The following IGF1R variants were observed in gnomAD, a reference collection of about 807,000 sequenced individuals.
The protein encoded by IGF1R is insulin-like growth factor 1 receptor.
A neutral mutation model predicts 144.6 loss-of-function variants in IGF1R; 44 were observed. The observed-to-expected ratio is 0.30, with a 90% confidence interval of 0.24 to 0.39. The LOEUF (loss-of-function observed/expected upper bound fraction) is 0.39. Among genes scored for constraint, IGF1R ranks in the 10% least tolerant of loss-of-function variants. The pLI, the probability that IGF1R is intolerant of heterozygous loss-of-function variation, is 1.00. For missense variants in IGF1R, 1,355 were observed against 1,833.7 expected (o/e 0.74, Z 4.77); for synonymous variants, 795 against 722.8 (o/e 1.10, Z -1.60).
At chr15:98,667,055 A>G (rs2052760441) in intron 1 of IGF1R, among the ~76,000 whole-genome samples, 1 of 152,152 alleles carries the variant, frequency 6.6e-6, no homozygotes, top group Admixed American at 6.5e-5. Flanking sequence ...CTGTGAGGTC[A>G]GGAGAGGCCT....
intron 2 of IGF1R, among the ~76,000 whole-genome samples, chr15:98,818,984 G>T (rs945951264): frequency 2.6e-5 from 4 of 152,158 alleles, no homozygotes; most frequent in African/African-American, 2.4e-5. Context: ...CAGAACAGGG[G>T]GTGGAGGCTT....
intron 2 of IGF1R, among the ~76,000 whole-genome samples, chr15:98,759,078 C>G (rs1425007790): frequency 6.6e-6 from 1 of 152,218 alleles, no homozygotes; most frequent in African/African-American, 2.4e-5. Flanking sequence ...TCCTCTGTCT[C>G]CATCACTCAG....
At chr15:98,823,618 C>T (rs972478742) in intron 2 of IGF1R, among the ~76,000 whole-genome samples, 1 of 152,130 alleles carries the variant, frequency 6.6e-6, no homozygotes, top group African/African-American at 2.4e-5. Flanking sequence ...GGTTTGATTC[C>T]AGTTGAAGTT....
At position 98,954,075 on chromosome 15, in the gene IGF1R, G is replaced by T. The variant is rs1432116604; in HGVS notation, c.3723-2986G>T. The T allele has an allele frequency of 2.6e-5, 4 of 152,400 alleles. No individual in the cohort carries two copies. In the East Asian group the frequency reaches 7.7e-4, roughly 29 times the overall value. The allele number at this position is 152,400 out of a possible 1,614,324, so 9.4% of individuals were successfully genotyped here. On this transcript the variant is annotated intron_variant, in intron 20 of 20. Transcript: ENST00000650285. Reference sequence around the variant, plus strand: ...AGCGTCGGCACCGGGCTGGGGCCGTGCTGATTCCCGGCAGCGTGTGGGAAT... The same window carrying T: ...AGCGTCGGCACCGGGCTGGGGCCGTTCTGATTCCCGGCAGCGTGTGGGAAT...
At chr15:98,713,488 G>A (rs562763080) in intron 2 of IGF1R, among the ~76,000 whole-genome samples, 20 of 152,274 alleles carry the variant, frequency 1.3e-4, no homozygotes, top group South Asian at 6.2e-4. Flanking sequence ...CCACTATGGC[G>A]GGTAGCTCTT....
chr15:98,767,827 A>AG (rs1316195553), intron 2 of IGF1R, among the ~76,000 whole-genome samples: 2 of 152,170 alleles, frequency 1.3e-5, no homozygotes, highest in Non-Finnish European at 1.5e-5. Flanking sequence ...AGGACAGGGA[A>AG]GAGGTGGGGA....
chr15:98,884,249 T>G (rs1324581201), intron 2 of IGF1R, among the ~76,000 whole-genome samples: 2 of 152,124 alleles, frequency 1.3e-5, no homozygotes, highest in African/African-American at 4.8e-5. Flanking sequence ...CCCTTCTCCA[T>G]CCATCTGCTG....
intron 17 of IGF1R, among the ~76,000 whole-genome samples, 187 bp from the exon 18 acceptor site, chr15:98,939,014 T>A (rs577668314): frequency 6.6e-6 from 1 of 152,286 alleles, no homozygotes; most frequent in African/African-American, 2.4e-5. Flanking sequence ...GCAAATAAGC[T>A]TGCGGGGAGC....
intron 2 of IGF1R, among the ~76,000 whole-genome samples, chr15:98,742,265 C>G (rs2054763007): frequency 6.6e-6 from 1 of 152,192 alleles, no homozygotes; most frequent in South Asian, 2.1e-4. Context: ...GTATGGACAG[C>G]ATGAAGCCAG....
chr15:98,923,741 G>A (rs966415803), intron 11 of IGF1R, 135 bp from the exon 12 acceptor site: 25 of 751,660 alleles, frequency 3.3e-5, no homozygotes, highest in South Asian at 2.1e-4. Context: ...GGATGGGGGC[G>A]TTATTCTCAG....
intron 15 of IGF1R, among the ~76,000 whole-genome samples, chr15:98,934,364 C>T (rs1282005138): frequency 6.6e-6 from 1 of 152,188 alleles, no homozygotes; most frequent in East Asian, 1.9e-4. Flanking sequence ...GAACTCTTCC[C>T]TCTCCCTACT....
At chr15:98,911,538 G>C in intron 7 of IGF1R, 97 bp downstream of exon 7, 1 of 1,510,296 alleles carries the variant, frequency 6.6e-7, no homozygotes. Context: ...GAATACAGGG[G>C]GTCAGCAGAG....
At position 98,755,718 on chromosome 15, in the gene IGF1R, C is replaced by CAAAA. The variant is rs56121011; in HGVS notation, c.640+47643_640+47646dup. ...TGAATGACAGAGCAAAACTCCATTG[C>CAAAA]AAAAAAAAAAAAAAAAAAAAAAAAA... On this transcript the variant is annotated intron_variant, in intron 2 of 20. Coordinates refer to ENST00000650285, the MANE Select transcript of IGF1R (RefSeq NM_000875.5). Among the ~76,000 whole-genome samples, 55 of 34,498 alleles carry CAAAA rather than the reference C, an allele frequency of 1.6e-3. 8 individuals are homozygous for CAAAA. Among genetic ancestry groups the CAAAA allele is most frequent in the African/African-American group, 7.3e-3 (47 of 6,442 alleles). The allele number at this position is 34,498 out of a possible 152,430, so 22.6% of individuals were successfully genotyped here.
chr15:98,819,521 C>T (rs368821859), intron 2 of IGF1R, among the ~76,000 whole-genome samples: 2 of 152,256 alleles, frequency 1.3e-5, no homozygotes, highest in African/African-American at 4.8e-5. Context: ...CCTCACAAGA[C>T]ACTGAATCTG....
intron 2 of IGF1R, among the ~76,000 whole-genome samples, chr15:98,822,630 G>T (rs999287129): frequency 6.6e-6 from 1 of 152,160 alleles, no homozygotes; most frequent in African/African-American, 2.4e-5. Flanking sequence ...TCTCCTATGA[G>T]GAAGCTTTTT....
Position 98,960,690 on chromosome 15 carries a change from T to G in IGF1R, c.*3248T>G, listed in dbSNP as rs1441776335. ...ACAAAGGTGCAGCTGCAGCAGCAGCTGGAGAGCAAGAGTCACCCAGCCTGT... is the reference window on the plus strand; with the variant it reads ...ACAAAGGTGCAGCTGCAGCAGCAGCGGGAGAGCAAGAGTCACCCAGCCTGT... On this transcript the variant is annotated 3_prime_UTR_variant, in exon 21 of 21. Coordinates refer to ENST00000650285, the MANE Select transcript of IGF1R (RefSeq NM_000875.5). The G allele has an allele frequency of 4.3e-6, 1 of 233,282 alleles. No individual in the cohort carries two copies. The highest frequency in any genetic ancestry group is 5.6e-5 in the Admixed American group (1 of 17,782). The allele number at this position is 233,282 out of a possible 1,614,324, so 14.5% of individuals were successfully genotyped here. A position where few individuals can be genotyped will look rare whatever the true frequency, so the allele number is the denominator to read the frequency against.
intron 2 of IGF1R, among the ~76,000 whole-genome samples, chr15:98,764,776 G>T (rs1244975615): frequency 6.6e-6 from 1 of 152,096 alleles, no homozygotes; most frequent in African/African-American, 2.4e-5. Flanking sequence ...GGTATATATG[G>T]TGGGAGATTT....
chr15:98,946,030 C>CGAT (rs988033435), intron 19 of IGF1R, among the ~76,000 whole-genome samples: 18 of 151,794 alleles, frequency 1.2e-4, no homozygotes, highest in African/African-American at 3.6e-4. Context: ...ATGACGATGA[C>CGAT]GACGATGACA....
intron 2 of IGF1R, among the ~76,000 whole-genome samples, chr15:98,808,675 A>ATTT (rs35643938): frequency 0.024 from 3,513 of 145,462 alleles, 58 homozygotes; most frequent in Non-Finnish European, 0.028. Context: ...TTCTTGAAAG[A>ATTT]TTTTTTTTTT....
Sources: gnomAD v4.1 joint callset for allele counts (sites outside exome capture counted in the v4.1 genomes callset) on GRCh38, gnomAD v4.1.1 for gene constraint, MANE v1.5 for transcripts, NCBI Gene and HGNC (gene_info 2026-07-23, HGNC 2026-07-21) for gene names.